The following DOCK4 variants were observed in gnomAD, a reference collection of about 807,000 sequenced individuals.
DOCK4 encodes dedicator of cytokinesis protein 4.
In DOCK4, 97 loss-of-function variants were observed where a neutral mutation model predicts 268.1. The ratio of observed to expected loss-of-function variants is 0.36; its 90% CI spans 0.31 to 0.43. The LOEUF (loss-of-function observed/expected upper bound fraction) is 0.43. DOCK4 is among the 20% of genes least tolerant of loss of function. The pLI, the probability that DOCK4 is intolerant of heterozygous loss-of-function variation, is 1.00. For missense variants in DOCK4, 2,145 were observed against 2,455.7 expected, an observed-to-expected ratio of 0.87 and a Z score of 2.67; for synonymous variants, 954 against 887.2, an observed-to-expected ratio of 1.08 and a Z score of -1.34.
intron 1 of DOCK4, among the ~76,000 whole-genome samples, chr7:112,147,050 A>C (rs984984692): frequency 6.6e-6 from 1 of 152,168 alleles, no homozygotes; most frequent in Non-Finnish European, 1.5e-5. Context: ...GACTCCTAGT[A>C]ATATATACTA....
intron 1 of DOCK4, among the ~76,000 whole-genome samples, chr7:112,015,828 T>G (rs1401344458): frequency 4.6e-5 from 7 of 152,196 alleles, no homozygotes; most frequent in African/African-American, 1.7e-4. Flanking sequence ...GTACTGGCAT[T>G]GTGCTAAGAG....
chr7:111,943,862 G>A (rs187554263), intron 10 of DOCK4, among the ~76,000 whole-genome samples: 83 of 152,284 alleles, frequency 5.5e-4, no homozygotes, highest in Admixed American at 2.9e-3. Context: ...CTCACTCAAT[G>A]CACAATGCAG....
chr7:112,030,557 AG>A (rs1474867576), intron 1 of DOCK4, among the ~76,000 whole-genome samples: 1 of 151,928 alleles, frequency 6.6e-6, no homozygotes, highest in Non-Finnish European at 1.5e-5. Context: ...TGAGGGTTAC[AG>A]GCCCCACACA....
chr7:111,858,985 T>C (rs1280667351), intron 23 of DOCK4, among the ~76,000 whole-genome samples: 1 of 152,308 alleles, frequency 6.6e-6, no homozygotes, highest in East Asian at 1.9e-4. Flanking sequence ...GGTTTTGAAA[T>C]TCATCTTCTT....
rs1819560671 is a variant in DOCK4 at position 112,187,308 on chromosome 7, G to A, written c.37+18794C>T. On this transcript the variant is annotated intron_variant, in intron 1 of 52. Transcript: ENST00000428084. ...GAGGGAAAAAAAATAAAACTTCAGA[G>A]TCCAGTCACTTTGAAGTCCTTATGC... is the stretch of plus-strand genomic sequence containing the variant. Among the ~76,000 whole-genome samples the A allele has an allele frequency of 2.0e-5, 3 of 152,142 alleles. No individual in the cohort carries two copies. In the South Asian group the frequency reaches 6.2e-4, roughly 32 times the overall value.
intron 1 of DOCK4, among the ~76,000 whole-genome samples, chr7:112,009,333 C>G (rs1801107533): frequency 6.6e-6 from 1 of 152,222 alleles, no homozygotes; most frequent in Admixed American, 6.5e-5. Context: ...ACTTATGAGT[C>G]AACTGCTTAC....
At chr7:111,741,073 G>C in intron 47 of DOCK4, 21 bp downstream of exon 47, 2 of 1,613,098 alleles carry the variant, frequency 1.2e-6, no homozygotes, top group Middle Eastern at 1.7e-4. Context: ...AACACAACCA[G>C]ACAAAAAGCT....
intron 1 of DOCK4, among the ~76,000 whole-genome samples, chr7:112,007,970 C>A (rs904051853): frequency 2.0e-5 from 3 of 152,186 alleles, no homozygotes; most frequent in African/African-American, 7.2e-5. Context: ...TTCATGTACA[C>A]TTCCCAGGGG....
Position 112,018,179 on chromosome 7 carries a change from A to AAAAAAAAACAAC in DOCK4, c.38-14049_38-14048insGTTGTTTTTTTT. On this transcript the variant is annotated intron_variant, in intron 1 of 52. Transcript: ENST00000428084. ...AAAAAAAAAAAAAAAAAAAAAAAAA[A>AAAAAAAAACAAC]ACACAGGCAACCAGTATTCATGTGG... Among the ~76,000 whole-genome samples the AAAAAAAAACAAC allele has an allele frequency of 1.1e-3, 82 of 72,620 alleles. 14 individuals are homozygous for AAAAAAAAACAAC. The highest frequency in any genetic ancestry group is 4.4e-3 in the East Asian group (11 of 2,480). 47.6% of individuals were successfully genotyped at this position (72,620 alleles called of 152,430 possible).
At chr7:111,856,616 G>A (rs1195625726) in intron 23 of DOCK4, among the ~76,000 whole-genome samples, 1 of 152,180 alleles carries the variant, frequency 6.6e-6, no homozygotes, top group Non-Finnish European at 1.5e-5. Context: ...AAAAACTGTG[G>A]AAACTGTTAA....
At chr7:112,028,838 C>T (rs922656403) in intron 1 of DOCK4, among the ~76,000 whole-genome samples, 17 of 152,194 alleles carry the variant, frequency 1.1e-4, no homozygotes, top group Admixed American at 6.5e-5. Context: ...CGTTAGACAA[C>T]AAGCATTTCA....
At chr7:112,128,560 G>C in intron 1 of DOCK4, among the ~76,000 whole-genome samples, 1 of 152,234 alleles carries the variant, frequency 6.6e-6, no homozygotes, top group Non-Finnish European at 1.5e-5. Context: ...ACTTCATTTT[G>C]TTCTGTACTA....
chr7:111,854,054 G>C (rs544406805), intron 23 of DOCK4, among the ~76,000 whole-genome samples: 1 of 151,654 alleles, frequency 6.6e-6, no homozygotes, highest in Non-Finnish European at 1.5e-5. Flanking sequence ...CCTCAGCCTC[G>C]GGACTAGCTG....
chr7:111,910,484 G>T (rs1175823029), intron 13 of DOCK4, among the ~76,000 whole-genome samples: 2 of 152,224 alleles, frequency 1.3e-5, no homozygotes, highest in Non-Finnish European at 2.9e-5. Context: ...GACTGAGGTT[G>T]AAAACAGAGT....
chr7:111,878,739 G>A (rs2134274866), intron 16 of DOCK4, among the ~76,000 whole-genome samples: 1 of 152,190 alleles, frequency 6.6e-6, no homozygotes, highest in Admixed American at 6.5e-5. Flanking sequence ...AAGCTGTTCT[G>A]GGCTCACAGT....
chr7:112,121,023 A>C (rs1812681250), intron 1 of DOCK4, among the ~76,000 whole-genome samples: 1 of 152,224 alleles, frequency 6.6e-6, no homozygotes, highest in South Asian at 2.1e-4. Flanking sequence ...CCATGATCTC[A>C]GTCATCTTAG....
intron 12 of DOCK4, among the ~76,000 whole-genome samples, chr7:111,918,901 T>G (rs1792855952): frequency 6.6e-6 from 1 of 152,184 alleles, no homozygotes; most frequent in Non-Finnish European, 1.5e-5. Flanking sequence ...AAGATCATTT[T>G]ACTGGGGCTT....
In DOCK4 at chr7:111,804,187, C is replaced by G. The variant is rs142932391; in HGVS notation, c.3166+4634G>C. 6.8e-3 allele frequency among the ~76,000 whole-genome samples: 1,036 copies of G among 152,230 alleles called. 6 individuals are homozygous for G. Among genetic ancestry groups the G allele is most frequent in the African/African-American group, 0.024 (978 of 41,538 alleles). ...ACAATAGACAAAAGGCAGAAGCAAC[C>G]CAAATGTCCACTGAGGAATGAATGA... On this transcript the variant is annotated intron_variant, in intron 30 of 52. Coordinates refer to ENST00000428084, the MANE Select transcript of DOCK4 (RefSeq NM_001363540.2).
intron 1 of DOCK4, among the ~76,000 whole-genome samples, chr7:112,069,461 CCT>C (rs1363346803): frequency 2.6e-5 from 4 of 152,174 alleles, no homozygotes; most frequent in Non-Finnish European, 4.4e-5. Context: ...CTCAATTCTA[CCT>C]CTTATTGGAA....
Sources: gnomAD v4.1 joint callset for allele counts (sites outside exome capture counted in the v4.1 genomes callset) on GRCh38, gnomAD v4.1.1 for gene constraint, MANE v1.5 for transcripts, NCBI Gene and HGNC (gene_info 2026-07-23, HGNC 2026-07-21) for gene names.